Variants in ASB17 observed in about 807,000 individuals in gnomAD.
The protein encoded by ASB17 is ankyrin repeat and SOCS box containing 17.
A neutral mutation model predicts 25.7 loss-of-function variants in ASB17; 26 were observed. The observed-to-expected ratio is 1.01, with a 90% CI of 0.74 to 1.40. ASB17 has a LOEUF of 1.40. Ranked by LOEUF, ASB17 falls within the 40% of genes most tolerant of loss-of-function variation. The pLI is 0.00. For synonymous variants in ASB17, 128 were observed against 121.4 expected (o/e 1.05, Z -0.36); for missense variants, 326 against 338.5 (o/e 0.96, Z 0.29).
intron 1 of ASB17, among the ~76,000 whole-genome samples, chr1:75,926,156 T>C (rs1358665498): frequency 6.6e-6 from 1 of 152,208 alleles, no homozygotes; most frequent in Non-Finnish European, 1.5e-5. Flanking sequence ...TTGGGATATA[T>C]CAGGAAACAA....
At chr1:75,928,932 T>A (rs567527706) in intron 1 of ASB17, among the ~76,000 whole-genome samples, 1 of 152,300 alleles carries the variant, frequency 6.6e-6, no homozygotes, top group East Asian at 1.9e-4. Context: ...ACTACTGTAA[T>A]GACTGAGTGG....
At chr1:75,930,084 C>G (rs1425703861) in intron 1 of ASB17, among the ~76,000 whole-genome samples, 1 of 151,350 alleles carries the variant, frequency 6.6e-6, no homozygotes, top group South Asian at 2.1e-4. Flanking sequence ...GAGGCAAAGT[C>G]AACACTGGGG....
Position 75,922,063 on chromosome 1 carries a change from TAAAGTAG to T in ASB17, c.681+10_681+16del, listed in dbSNP as rs1557541580. On this transcript the variant is annotated intron_variant, in intron 2 of 2. Transcript: ENST00000284142. The stretch of plus-strand genomic sequence containing the variant: ...CACTAATATTTGAGCCCATTTTTTT[TAAAGTAG>T]TTTTCTTACCTTTATTTCCTTGACT... The T allele has an allele frequency of 1.9e-6, 3 of 1,565,972 alleles. No homozygotes were observed. Among genetic ancestry groups the T allele is most frequent in the Admixed American group, 3.7e-5 (2 of 53,884 alleles).
rs1254961880 is a variant in ASB17 at position 75,932,282 on chromosome 1, A to C, written c.10T>G (p.Ser4Ala). Residue 4 changes from serine to alanine, a missense_variant, in exon 1 of 3, where the codon TCT becomes GCT. Coordinates refer to ENST00000284142, the MANE Select transcript of ASB17 (RefSeq NM_080868.3). ...GAAGTCTTACCACATAATTTAGTAG[A>C]TTTACTCATTGTTACTTATAGCAGC... MSK[S>A]TKLCGKTSCP... 1 of 1,606,546 alleles carries C rather than the reference A, an allele frequency of 6.2e-7. No individual in the cohort carries two copies. Among genetic ancestry groups the C allele is most frequent in the Admixed American group, 1.7e-5 (1 of 59,166 alleles).
At chr1:75,931,338 A>C (rs916088971) in intron 1 of ASB17, among the ~76,000 whole-genome samples, 1 of 152,204 alleles carries the variant, frequency 6.6e-6, no homozygotes, top group African/African-American at 2.4e-5. Context: ...AGTAGTATGC[A>C]TTAGGTAGAT....
intron 1 of ASB17, among the ~76,000 whole-genome samples, chr1:75,930,099 A>G (rs900508691): frequency 6.6e-6 from 1 of 151,448 alleles, no homozygotes; most frequent in Non-Finnish European, 1.5e-5. Context: ...CTGGGGATAA[A>G]GATTTTGAGA....
intron 1 of ASB17, among the ~76,000 whole-genome samples, chr1:75,927,517 G>A (rs1328060151): frequency 6.6e-6 from 1 of 152,236 alleles, no homozygotes; most frequent in East Asian, 1.9e-4. Context: ...ATCAAAGGGT[G>A]AACAGAGGTT....
At chr1:75,924,972 C>T (rs898668013) in intron 1 of ASB17, among the ~76,000 whole-genome samples, 8 of 152,026 alleles carry the variant, frequency 5.3e-5, no homozygotes, top group Non-Finnish European at 1.2e-4. Flanking sequence ...ACTTATTTAA[C>T]ACCTCTAAAC....
At chr1:75,925,046 A>G (rs1042178595) in intron 1 of ASB17, among the ~76,000 whole-genome samples, 1 of 152,180 alleles carries the variant, frequency 6.6e-6, no homozygotes, top group African/African-American at 2.4e-5. Context: ...GGAAGCCTCT[A>G]AAAGATAGTA....
At chr1:75,931,306 AT>A (rs1460307001) in intron 1 of ASB17, among the ~76,000 whole-genome samples, 1 of 152,192 alleles carries the variant, frequency 6.6e-6, no homozygotes, top group Non-Finnish European at 1.5e-5. Flanking sequence ...TACATTGGAG[AT>A]TTGATTTTCA....
At chr1:75,931,386 G>A (rs973413590) in intron 1 of ASB17, among the ~76,000 whole-genome samples, 2 of 152,082 alleles carry the variant, frequency 1.3e-5, no homozygotes, top group Non-Finnish European at 2.9e-5. Flanking sequence ...TTCTATTATC[G>A]ATAGCATCAG....
intron 1 of ASB17, among the ~76,000 whole-genome samples, chr1:75,926,498 G>A (rs371769808): frequency 2.6e-5 from 4 of 152,194 alleles, no homozygotes; most frequent in East Asian, 1.9e-4. Flanking sequence ...CGGAACCAGC[G>A]CGGCTGAAAA....
At chr1:75,931,640 G>T (rs555316366) in intron 1 of ASB17, among the ~76,000 whole-genome samples, 1 of 152,240 alleles carries the variant, frequency 6.6e-6, no homozygotes, top group East Asian at 1.9e-4. Context: ...GAAACATGTT[G>T]TTTAGCACTA....
rs568033466 is a variant in ASB17 at position 75,920,511 on chromosome 1, A to T, written c.682-1353T>A. On this transcript the variant is annotated intron_variant, in intron 2 of 2. Transcript: ENST00000284142. ...TCTGTGCTTACAAGACTCACGGTGT[A>T]GAGGTAGAAATATCTAAACATATAT... Among the ~76,000 whole-genome samples the T allele has an allele frequency of 1.7e-4, 26 of 152,352 alleles. No individual in the cohort carries two copies. The South Asian group carries it at 5.4e-3, about 32-fold the overall frequency.
intron 2 of ASB17, among the ~76,000 whole-genome samples, chr1:75,919,523 C>T (rs765485719): frequency 1.5e-4 from 23 of 152,148 alleles, no homozygotes; most frequent in Non-Finnish European, 3.2e-4. Flanking sequence ...TCTCCTAAAG[C>T]TATCCCTCCC....
At chr1:75,924,661 A>T (rs935947169) in intron 1 of ASB17, among the ~76,000 whole-genome samples, 1 of 152,140 alleles carries the variant, frequency 6.6e-6, no homozygotes, top group Admixed American at 6.5e-5. Flanking sequence ...TGGGCATATT[A>T]TCTTTTTTAC....
At chr1:75,928,120 T>G (rs1653223289) in intron 1 of ASB17, among the ~76,000 whole-genome samples, 1 of 152,192 alleles carries the variant, frequency 6.6e-6, no homozygotes, top group Admixed American at 6.5e-5. Flanking sequence ...CTATTGAGCC[T>G]TCTCAGATAC....
chr1:75,924,138 A>T (rs951641504), intron 1 of ASB17, among the ~76,000 whole-genome samples: 1 of 152,098 alleles, frequency 6.6e-6, no homozygotes, highest in Non-Finnish European at 1.5e-5. Flanking sequence ...TTTCCAATAA[A>T]AAGATTCAAA....
chr1:75,929,588 A>T (rs1276058480), intron 1 of ASB17, among the ~76,000 whole-genome samples: 1 of 152,180 alleles, frequency 6.6e-6, no homozygotes, highest in Non-Finnish European at 1.5e-5. Flanking sequence ...ACTGTAGTGG[A>T]AAAACTGGAG....
Sources: gnomAD v4.1 joint callset for allele counts (sites outside exome capture counted in the v4.1 genomes callset) on GRCh38, gnomAD v4.1.1 for gene constraint, MANE v1.5 for transcripts, NCBI Gene and HGNC (gene_info 2026-07-23, HGNC 2026-07-21) for gene names.